SIMC1: variants seen among roughly 807,000 people sequenced by gnomAD.
SIMC1 encodes SUMO-interacting motif-containing protein 1.
SIMC1 carries 55 observed loss-of-function variants against 82.3 expected under a neutral mutation model. The ratio of observed to expected loss-of-function variants is 0.67; its 90% CI spans 0.54 to 0.84. The LOEUF is 0.84. SIMC1 is among the 40% of genes least tolerant of loss of function. SIMC1 has a pLI of 0.00. For synonymous variants in SIMC1, 353 were observed against 426.3 expected (o/e 0.83, Z 2.12); for missense variants, 915 against 1,107.2 (o/e 0.83, Z 2.46).
intron 3 of SIMC1, 53 bp downstream of exon 3, chr5:176,295,315 A>G (rs561261977): frequency 3.3e-6 from 5 of 1,528,618 alleles, no homozygotes; most frequent in Non-Finnish European, 4.4e-6. Context: ...TCTTGGACTC[A>G]GGGCATAGCT....
intron 7 of SIMC1, among the ~76,000 whole-genome samples, chr5:176,328,419 C>T (rs760721227): frequency 7.3e-5 from 11 of 151,320 alleles, no homozygotes; most frequent in South Asian, 6.3e-4. Flanking sequence ...GTACTGGGCT[C>T]GGTGGTAATG....
In SIMC1 at chr5:176,290,929, C is replaced by A. The variant is rs1763531891; in HGVS notation, c.1405C>A (p.Leu469Ile). 1 of 1,601,938 alleles carries A rather than the reference C, an allele frequency of 6.2e-7. No individual in the cohort carries two copies. Among genetic ancestry groups the A allele is most frequent in the South Asian group, 1.1e-5 (1 of 89,192 alleles). Reference protein sequence around the residue: ...PPVHHLFFQTLIPDKDTRENK... With the variant: ...PPVHHLFFQTIIPDKDTRENK... The stretch of plus-strand genomic sequence containing the variant: ...GGTTCATCACCTCTTCTTTCAGACG[C>A]TAATACCGGATAAAGACACAAGAGA... The change falls in exon 2 of 10, where the codon CTA becomes ATA. Residue 469 changes from leucine to isoleucine, a missense_variant. Coordinates refer to ENST00000429602, the MANE Select transcript of SIMC1 (RefSeq NM_001308195.2).
Position 176,290,152 on chromosome 5 carries a change from C to T in SIMC1, c.628C>T (p.Gln210Ter), listed in dbSNP as rs766007230. 8 of 1,609,588 alleles carry T rather than the reference C, an allele frequency of 5.0e-6. No individual in the cohort carries two copies. Among genetic ancestry groups the T allele is most frequent in the Non-Finnish European group, 6.8e-6 (8 of 1,177,886 alleles). Residue 210 changes from glutamine to a stop codon, truncating the protein, a stop_gained, in exon 2 of 10, where the codon CAA becomes TAA. Transcript: ENST00000429602. LOFTEE classifies it high-confidence loss of function. ...AAAAGCACCCTTGCCATGCCCACAG[C>T]AAGATGTATCTCGCCCACCACAGGC... ...NQKAPLPCPQ[Q>*]DVSRPPQALP...
At chr5:176,299,079 C>T (rs1763935186) in intron 4 of SIMC1, among the ~76,000 whole-genome samples, 1 of 152,190 alleles carries the variant, frequency 6.6e-6, no homozygotes, top group African/African-American at 2.4e-5. Flanking sequence ...ACAAGAGTCC[C>T]ACTTTATATC....
Position 176,300,009 on chromosome 5 carries a change from AAC to A in SIMC1, c.1734+3695_1734+3696del, listed in dbSNP as rs374263939. Among the ~76,000 whole-genome samples the A allele has an allele frequency of 3.0e-4, 45 of 152,348 alleles. 1 individual carries two copies. In the South Asian group the frequency reaches 8.3e-3, roughly 28 times the overall value. ...ACCCACAAATATGTGGCAACTAAAC[AAC>A]ACACAACAATGGTTCAGAGAAAAAA... On this transcript the variant is annotated intron_variant, in intron 4 of 9. Coordinates refer to ENST00000429602, the MANE Select transcript of SIMC1 (RefSeq NM_001308195.2).
intron 4 of SIMC1, among the ~76,000 whole-genome samples, chr5:176,298,056 T>C (rs1433012341): frequency 6.6e-6 from 1 of 152,122 alleles, no homozygotes; most frequent in African/African-American, 2.4e-5. Context: ...GACACTGAAT[T>C]AACAACCATA....
At chr5:176,341,933 C>T (rs866937333) in intron 9 of SIMC1, among the ~76,000 whole-genome samples, 4 of 152,150 alleles carry the variant, frequency 2.6e-5, no homozygotes, top group Non-Finnish European at 2.9e-5. Flanking sequence ...TTATCCCTAC[C>T]GAAGCATAAA....
rs149253339 is a variant in SIMC1, at chr5:176,327,422, A to G, written c.2171+2665A>G. Among the ~76,000 whole-genome samples, 13 of 152,302 alleles carry G rather than the reference A, an allele frequency of 8.5e-5. No homozygotes were observed. The East Asian group carries it at 1.7e-3, about 20-fold the overall frequency. On this transcript the variant is annotated intron_variant, in intron 7 of 9. Coordinates refer to ENST00000429602, the MANE Select transcript of SIMC1 (RefSeq NM_001308195.2). ...TACCTTCTTGACCTATCATTTTCCA[A>G]TTGCTCATTAGTAGTGTATAGAAAC... is the stretch of plus-strand genomic sequence containing the variant.
At chr5:176,263,639 A>G (rs1333138056) in intron 1 of SIMC1, 24 of 1,148,276 alleles carry the variant, frequency 2.1e-5, no homozygotes, top group Non-Finnish European at 2.6e-5. Context: ...TGATTCCACC[A>G]GGTCCTACCT....
At chr5:176,289,022 A>C (rs1196922762) in intron 1 of SIMC1, among the ~76,000 whole-genome samples, 1 of 152,176 alleles carries the variant, frequency 6.6e-6, no homozygotes, top group Admixed American at 6.5e-5. Context: ...ATTATCTTTC[A>C]TATCTGTTTC....
intron 1 of SIMC1, among the ~76,000 whole-genome samples, chr5:176,283,621 G>T (rs1763122395): frequency 6.6e-6 from 1 of 152,144 alleles, no homozygotes; most frequent in Non-Finnish European, 1.5e-5. Flanking sequence ...ATCAACTAAT[G>T]AGCAAACTAA....
intron 1 of SIMC1, among the ~76,000 whole-genome samples, chr5:176,242,844 C>T (rs1218379889): frequency 6.6e-6 from 1 of 151,874 alleles, no homozygotes; most frequent in Admixed American, 6.6e-5. Context: ...AAGTCCCTGC[C>T]GTCATGGAGA....
intron 7 of SIMC1, among the ~76,000 whole-genome samples, chr5:176,331,225 C>A (rs1056105600): frequency 6.6e-6 from 1 of 151,910 alleles, no homozygotes; most frequent in Non-Finnish European, 1.5e-5. Flanking sequence ...AGAAAATTAG[C>A]CAGGCATGGT....
At chr5:176,247,783 A>G (rs1463538448) in intron 1 of SIMC1, among the ~76,000 whole-genome samples, 3 of 151,570 alleles carry the variant, frequency 2.0e-5, no homozygotes, top group Admixed American at 1.3e-4. Context: ...TAATTTTTGT[A>G]TAAGGTGTAA....
chr5:176,340,322 A>C (rs1344276308), intron 9 of SIMC1, among the ~76,000 whole-genome samples: 1 of 152,132 alleles, frequency 6.6e-6, no homozygotes, highest in Non-Finnish European at 1.5e-5. Flanking sequence ...CCCCCACCCC[A>C]GTTGCATAGC....
At chr5:176,276,492 A>T (rs2113203032) in intron 1 of SIMC1, among the ~76,000 whole-genome samples, 1 of 148,386 alleles carries the variant, frequency 6.7e-6, no homozygotes, top group South Asian at 2.1e-4. Flanking sequence ...ACATGTGCAC[A>T]TTGTGCAGGT....
chr5:176,316,580 T>C (rs1764919018), intron 5 of SIMC1, among the ~76,000 whole-genome samples: 1 of 151,528 alleles, frequency 6.6e-6, no homozygotes, highest in Non-Finnish European at 1.5e-5. Flanking sequence ...TCCCAGCTAC[T>C]TGAGAGGCTG....
rs1352691978 is a variant in SIMC1 at position 176,295,067 on chromosome 5, G to A, written c.1469G>A (p.Arg490Lys). ...AAATTAGAACCCATCCCTCATCGAAGACTAAGAATGGTAACAAATACCATT... is the reference window on the plus strand; with the variant it reads ...AAATTAGAACCCATCCCTCATCGAAAACTAAGAATGGTAACAAATACCATT... ...GQKLEPIPHR[R>K]LRMVTNTIEE... Residue 490 changes from arginine to lysine, a missense_variant, in exon 3 of 10, where the codon AGA becomes AAA. Arg to Lys is a conservative substitution (Grantham distance 26). Coordinates refer to ENST00000429602, the MANE Select transcript of SIMC1 (RefSeq NM_001308195.2). 13 of 1,611,232 alleles carry A rather than the reference G, an allele frequency of 8.1e-6. No individual in the cohort carries two copies. Among genetic ancestry groups the A allele is most frequent in the Non-Finnish European group, 1.1e-5 (13 of 1,179,188 alleles).
chr5:176,292,251 T>G (rs548794927), intron 2 of SIMC1, among the ~76,000 whole-genome samples: 1 of 152,166 alleles, frequency 6.6e-6, no homozygotes, highest in Non-Finnish European at 1.5e-5. Context: ...TCATCATTGA[T>G]TTATGAGAAG....
Sources: allele counts gnomAD v4.1 joint callset (sites outside exome capture counted in the v4.1 genomes callset), GRCh38; gene constraint gnomAD v4.1.1; transcripts MANE v1.5; gene names NCBI Gene and HGNC (gene_info 2026-07-23, HGNC 2026-07-21).